Variants in SDK1 observed in about 807,000 individuals in gnomAD.
SDK1 encodes the protein protein sidekick-1.
SDK1 carries 157 observed loss-of-function variants against 245.5 expected under a neutral mutation model. That is an observed-to-expected ratio of 0.64 (90% CI 0.56 to 0.73). The LOEUF (loss-of-function observed/expected upper bound fraction) is 0.73. SDK1 is among the 30% of genes least tolerant of loss of function. SDK1 has a pLI of 0.00. For missense variants in SDK1, 3,583 were observed against 3,002.3 expected (o/e 1.19, Z -4.52); for synonymous variants, 1,647 against 1,278.5 (o/e 1.29, Z -6.15).
At chr7:3,412,668 C>T (rs1017487835) in intron 1 of SDK1, among the ~76,000 whole-genome samples, 3 of 152,140 alleles carry the variant, frequency 2.0e-5, no homozygotes, top group African/African-American at 4.8e-5. Flanking sequence ...GGGGCAGTTA[C>T]GATTTTGAAA....
intron 22 of SDK1, among the ~76,000 whole-genome samples, chr7:4,092,876 G>T (rs770555273): frequency 6.6e-6 from 1 of 151,818 alleles, no homozygotes; most frequent in Admixed American, 6.6e-5. Flanking sequence ...AGGGACGAAA[G>T]CTCCCACCAC....
chr7:3,511,187 G>A (rs1782568208), intron 1 of SDK1, among the ~76,000 whole-genome samples: 1 of 152,192 alleles, frequency 6.6e-6, no homozygotes, highest in South Asian at 2.1e-4. Context: ...CATAGTCTGT[G>A]TTAATAGGTG....
At chr7:3,885,155 CA>C in intron 5 of SDK1, among the ~76,000 whole-genome samples, 1 of 152,284 alleles carries the variant, frequency 6.6e-6, no homozygotes, top group Admixed American at 6.5e-5. Context: ...GGGATGTCCA[CA>C]ACGCGAGGGC....
intron 19 of SDK1, among the ~76,000 whole-genome samples, 175 bp from the exon 20 acceptor site, chr7:4,067,663 A>G (rs1383777967): frequency 3.3e-5 from 5 of 152,192 alleles, no homozygotes; most frequent in Non-Finnish European, 7.3e-5. Flanking sequence ...GTGTGTGATG[A>G]TAGCCAGGAT....
chr7:3,621,652 C>A (rs1218630039), intron 2 of SDK1, among the ~76,000 whole-genome samples: 1 of 152,176 alleles, frequency 6.6e-6, no homozygotes, highest in Non-Finnish European at 1.5e-5. Context: ...AGCCATTTCT[C>A]TTTTCCGACC....
chr7:3,817,923 G>T (rs909279274), intron 4 of SDK1, among the ~76,000 whole-genome samples: 2 of 152,202 alleles, frequency 1.3e-5, no homozygotes, highest in East Asian at 1.9e-4. Flanking sequence ...TTGCTCATCA[G>T]TCTCAGCAAT....
At chr7:3,565,060 T>C (rs1206982385) in intron 1 of SDK1, among the ~76,000 whole-genome samples, 1 of 151,784 alleles carries the variant, frequency 6.6e-6, no homozygotes, top group African/African-American at 2.4e-5. Context: ...TAAGATCACA[T>C]GACAATCCAG....
chr7:4,210,312 G>T, intron 38 of SDK1, 150 bp downstream of exon 38: 1 of 886,078 alleles, frequency 1.1e-6, no homozygotes, highest in Non-Finnish European at 1.6e-6. Flanking sequence ...AGCTGGACGG[G>T]GCTGGAGCTG....
intron 2 of SDK1, among the ~76,000 whole-genome samples, chr7:3,619,959 T>A (rs1226344663): frequency 3.3e-5 from 5 of 152,200 alleles, no homozygotes; most frequent in Admixed American, 6.5e-5. Flanking sequence ...GGTATACTTT[T>A]GAGGATGATA....
At chr7:3,341,570 GAAA>G (rs1005451797) in intron 1 of SDK1, among the ~76,000 whole-genome samples, 2 of 151,968 alleles carry the variant, frequency 1.3e-5, no homozygotes, top group South Asian at 4.2e-4. Flanking sequence ...AAGAAATCTA[GAAA>G]AAAAACTTCT....
intron 25 of SDK1, among the ~76,000 whole-genome samples, chr7:4,125,840 T>G (rs1325599920): frequency 1.3e-5 from 2 of 152,152 alleles, no homozygotes; most frequent in African/African-American, 4.8e-5. Context: ...GTGAGAAGAC[T>G]CTTAAGTAAG....
chr7:3,586,863 C>T (rs1261750492), intron 1 of SDK1, among the ~76,000 whole-genome samples: 1 of 152,130 alleles, frequency 6.6e-6, no homozygotes, highest in East Asian at 1.9e-4. Context: ...GCCACTTGAG[C>T]AGGGAGGTGA....
In SDK1 at chr7:3,587,585, G is replaced by A. The variant is rs972508655; in HGVS notation, c.299-31495G>A. Among the ~76,000 whole-genome samples the A allele has an allele frequency of 4.7e-4, 72 of 152,164 alleles. 1 individual carries two copies. The highest frequency in any genetic ancestry group is 3.3e-4 in the Admixed American group (5 of 15,272). ...GGCAGTGTGAATCCAACTTTCCTCC[G>A]CTTTTTCAGCCCCCAATGGACTGGA... On this transcript the variant is annotated intron_variant, in intron 1 of 44. Transcript: ENST00000404826.
intron 4 of SDK1, among the ~76,000 whole-genome samples, chr7:3,803,384 C>T (rs1177740708): frequency 1.3e-5 from 2 of 150,432 alleles, no homozygotes; most frequent in Non-Finnish European, 3.0e-5. Context: ...GATCTTGGCT[C>T]ACTGCAACCT....
chr7:3,387,678 A>G (rs995733372), intron 1 of SDK1, among the ~76,000 whole-genome samples: 4 of 152,224 alleles, frequency 2.6e-5, no homozygotes, highest in African/African-American at 9.6e-5. Flanking sequence ...ATGTGAATGT[A>G]TGTAGTATCA....
At chr7:3,306,673 T>C (rs940338120) in intron 1 of SDK1, among the ~76,000 whole-genome samples, 3 of 152,192 alleles carry the variant, frequency 2.0e-5, no homozygotes, top group Non-Finnish European at 4.4e-5. Context: ...TTAAGTGATA[T>C]CAGGTAAGAC....
intron 4 of SDK1, among the ~76,000 whole-genome samples, chr7:3,706,716 A>G (rs1044774279): frequency 6.6e-6 from 1 of 151,968 alleles, no homozygotes; most frequent in African/African-American, 2.4e-5. Context: ...ACTTTTTTTT[A>G]AATTACTCAT....
chr7:4,220,515 G>GTTTTTTT (rs34675135), intron 39 of SDK1, among the ~76,000 whole-genome samples: 4 of 140,538 alleles, frequency 2.8e-5, no homozygotes, highest in Admixed American at 7.1e-5. Flanking sequence ...AGTTTTAGTT[G>GTTTTTTT]TTTTTTTTTT....
intron 1 of SDK1, among the ~76,000 whole-genome samples, chr7:3,410,254 G>T (rs1010617978): frequency 4.6e-5 from 7 of 151,852 alleles, no homozygotes; most frequent in African/African-American, 1.7e-4. Flanking sequence ...TCATTTGATG[G>T]GTCACAGTCA....
Sources: allele counts gnomAD v4.1 joint callset (sites outside exome capture counted in the v4.1 genomes callset), GRCh38; gene constraint gnomAD v4.1.1; transcripts MANE v1.5; gene names NCBI Gene and HGNC (gene_info 2026-07-23, HGNC 2026-07-21).